SCT: variants seen among roughly 807,000 people sequenced by gnomAD.
SCT encodes secretin.
SCT carries 17 observed loss-of-function variants against 10.9 expected under a neutral mutation model. That is an observed-to-expected ratio of 1.55 (90% CI 1.06 to 2.33). The LOEUF is 2.33. SCT is among the 30% of genes most tolerant of loss of function. The pLI is 0.00. For synonymous variants in SCT, 96 were observed against 73.9 expected (o/e 1.30, Z -1.54); for missense variants, 230 against 165.9 (o/e 1.39, Z -2.12).
chr11:626,603 C>T (rs1400783200), intron 3 of SCT, 73 bp from the exon 4 acceptor site: 3 of 1,471,262 alleles, frequency 2.0e-6, no homozygotes, highest in African/African-American at 1.4e-5. Context: ...ATTGGGCCTC[C>T]AGTGGCCACC....
chr11:626,825 C>T, intron 2 of SCT, 36 bp from the exon 3 acceptor site: 1 of 1,546,752 alleles, frequency 6.5e-7, no homozygotes, highest in Non-Finnish European at 8.7e-7. Context: ...AGTCCTGGAG[C>T]TGGGGGGTCG....
rs972518255 is a variant in SCT, at chr11:627,049, G to A, written c.71+24C>T. On this transcript the variant is annotated intron_variant, in intron 1 of 3. Coordinates refer to ENST00000176195, the MANE Select transcript of SCT (RefSeq NM_021920.4). ...TGGGGGCGGGTGGGGCCCGGGGGGC[G>A]GGCGGGCCTGGCGGGCGGCTCACCT... is the stretch of plus-strand genomic sequence containing the variant. The A allele has an allele frequency of 2.2e-4, 262 of 1,207,742 alleles. 1 individual carries two copies. The African/African-American group carries it at 3.8e-3, about 18-fold the overall frequency. 74.8% of individuals were successfully genotyped at this position (1,207,742 alleles called of 1,614,324 possible). A position where few individuals can be genotyped will look rare whatever the true frequency, so the allele number is the denominator to read the frequency against.
In SCT at chr11:626,322, C is replaced by T. The variant is rs531451124; in HGVS notation, c.*109G>A. On this transcript the variant is annotated 3_prime_UTR_variant, in exon 4 of 4. Transcript: ENST00000176195. ...CAACTCCCAGCGTCTGGGTCTGATTCCTCCTTTATTGGTGCCAAGTACCAC... is the reference window on the plus strand; with the variant it reads ...CAACTCCCAGCGTCTGGGTCTGATTTCTCCTTTATTGGTGCCAAGTACCAC... The T allele has an allele frequency of 3.9e-6, 3 of 771,074 alleles. No homozygotes were observed. The highest frequency in any genetic ancestry group is 2.4e-5 in the Admixed American group (1 of 41,010). The allele number at this position is 771,074 out of a possible 1,614,324, so 47.8% of individuals were successfully genotyped here.
At position 626,981 on chromosome 11, in the gene SCT, C is replaced by G; in HGVS notation, c.80G>C (p.Arg27Pro). Residue 27 changes from arginine (R) to proline (P), a missense_variant, in exon 2 of 4, where the codon CGA becomes CCA. Arg to Pro is a moderately radical substitution (Grantham distance 103). Coordinates refer to ENST00000176195, the MANE Select transcript of SCT (RefSeq NM_021920.4). Reference protein sequence around the residue: ...AARPAPPRARRHSDGTFTSEL... With the variant: ...AARPAPPRARPHSDGTFTSEL... ...GCTGGTGAACGTCCCGTCTGAGTGT[C>G]GCCGGGCCCTGCGGGCGGTCGGGGG... 1 of 1,493,094 alleles carries G rather than the reference C, an allele frequency of 6.7e-7. No individual in the cohort carries two copies. Among genetic ancestry groups the G allele is most frequent in the Non-Finnish European group, 8.9e-7 (1 of 1,120,484 alleles). 92.5% of individuals were successfully genotyped at this position (1,493,094 alleles called of 1,614,324 possible). A position where few individuals can be genotyped will look rare whatever the true frequency, so the allele number is the denominator to read the frequency against.
At position 627,134 on chromosome 11, in the gene SCT, G is replaced by A. The variant is rs1427178586; in HGVS notation, c.10C>T (p.Arg4Trp). 8.3e-6 allele frequency: 9 copies of A among 1,080,592 alleles called. No individual in the cohort carries two copies. Among genetic ancestry groups the A allele is most frequent in the African/African-American group, 3.4e-5 (2 of 59,516 alleles). 66.9% of individuals were successfully genotyped at this position (1,080,592 alleles called of 1,614,324 possible). Reference sequence around the variant, plus strand: ...AGCAGCAGCAGCAGCAGGAGGGGCCGGGGGGCCATGGCGGGGTCGGGGCGC... The same window carrying A: ...AGCAGCAGCAGCAGCAGGAGGGGCCAGGGGGCCATGGCGGGGTCGGGGCGC... Reference protein sequence around the residue: MAPRPLLLLLLLLG... With the variant: MAPWPLLLLLLLLG... Residue 4 changes from arginine to tryptophan, a missense_variant, in exon 1 of 4, where the codon CGG becomes TGG. Arg to Trp is a moderately radical substitution (Grantham distance 101). Transcript: ENST00000176195.
At position 627,049 on chromosome 11, in the gene SCT, GGGCGGGCCT is replaced by G; in HGVS notation, c.71+15_71+23del. On this transcript the variant is annotated intron_variant, in intron 1 of 3. Transcript: ENST00000176195. ...TGGGGGCGGGTGGGGCCCGGGGGGC[GGGCGGGCCT>G]GGCGGGCGGCTCACCTGGGGGGCGC... 1 of 1,207,748 alleles carries G rather than the reference GGGCGGGCCT, an allele frequency of 8.3e-7. No individual in the cohort carries two copies. Among genetic ancestry groups the G allele is most frequent in the Non-Finnish European group, 1.1e-6 (1 of 950,880 alleles). 74.8% of individuals were successfully genotyped at this position (1,207,748 alleles called of 1,614,324 possible).
chr11:626,313 G>A lies in SCT; in HGVS notation c.*118C>T, dbSNP rs892233297. On this transcript the variant is annotated 3_prime_UTR_variant, in exon 4 of 4. Coordinates refer to ENST00000176195, the MANE Select transcript of SCT (RefSeq NM_021920.4). ...GGACACAGACAACTCCCAGCGTCTGGGTCTGATTCCTCCTTTATTGGTGCC... is the reference window on the plus strand; with the variant it reads ...GGACACAGACAACTCCCAGCGTCTGAGTCTGATTCCTCCTTTATTGGTGCC... The A allele has an allele frequency of 1.4e-5, 10 of 725,798 alleles. No homozygotes were observed. The highest frequency in any genetic ancestry group is 2.3e-5 in the Non-Finnish European group (10 of 425,600). The allele number at this position is 725,798 out of a possible 1,614,324, so 45.0% of individuals were successfully genotyped here. A position where few individuals can be genotyped will look rare whatever the true frequency, so the allele number is the denominator to read the frequency against.
In SCT at chr11:626,457, C is replaced by A; in HGVS notation, c.340G>T (p.Ala114Ser). 1 of 1,555,262 alleles carries A rather than the reference C, an allele frequency of 6.4e-7. No individual in the cohort carries two copies. The highest frequency in any genetic ancestry group is 8.7e-7 in the Non-Finnish European group (1 of 1,149,040). The change falls in exon 4 of 4, where the codon GCA (alanine) becomes TCA (serine). Residue 114 changes from alanine to serine, a missense_variant. Transcript: ENST00000176195. ...PMVSEPAGAA[A>S]EGTLRPR ...CATCTGGGCCGCAAGGTTCCTTCTG[C>A]AGCAGCGCCAGCTGGTTCTGAAACC...
In SCT at chr11:626,460, C is replaced by T; in HGVS notation, c.337G>A (p.Ala113Thr). 1 of 1,555,840 alleles carries T rather than the reference C, an allele frequency of 6.4e-7. No homozygotes were observed. The highest frequency in any genetic ancestry group is 1.4e-5 in the African/African-American group (1 of 73,402). The change falls in exon 4 of 4, where the codon GCT becomes ACT. Residue 113 changes from alanine (A) to threonine (T), a missense_variant. Ala to Thr is a moderately conservative substitution (Grantham distance 58, BLOSUM62 0). Coordinates refer to ENST00000176195, the MANE Select transcript of SCT (RefSeq NM_021920.4). ...GPMVSEPAGAAAEGTLRPR is the reference protein window; with the variant it reads ...GPMVSEPAGATAEGTLRPR ...CTGGGCCGCAAGGTTCCTTCTGCAG[C>T]AGCGCCAGCTGGTTCTGAAACCATA...
In SCT at chr11:626,515, CCCGTCCAGGGGCAT is replaced by C; in HGVS notation, c.268_281del (p.Met90AspfsTer?). On this transcript the variant is annotated frameshift_variant and splice_region_variant, in exon 4 of 4. Coordinates refer to ENST00000176195, the MANE Select transcript of SCT (RefSeq NM_021920.4). LOFTEE classifies it low-confidence loss of function (END_TRUNC). ...CAGGGGGCAGCCAGGGAGACCAGGT[CCCGTCCAGGGGCAT>C]CCTGCAGAGACAGCACGTGAGGGTC... The C allele has an allele frequency of 6.4e-7, 1 of 1,560,066 alleles. No individual in the cohort carries two copies.
chr11:626,592 A>G, intron 3 of SCT, 62 bp from the exon 4 acceptor site: 1 of 1,490,102 alleles, frequency 6.7e-7, no homozygotes, highest in Non-Finnish European at 9.1e-7. Flanking sequence ...CCGCTGCTGG[A>G]ATTGGGCCTC....
Position 627,088 on chromosome 11 carries a change from C to T in SCT, c.56G>A (p.Arg19His), listed in dbSNP as rs1857794155. The T allele has an allele frequency of 8.9e-6, 10 of 1,121,554 alleles. No homozygotes were observed. The highest frequency in any genetic ancestry group is 1.7e-5 in the African/African-American group (1 of 60,268). The allele number at this position is 1,121,554 out of a possible 1,614,324, so 69.5% of individuals were successfully genotyped here. ...GGCGGCTCACCTGGGGGGCGCGGGG[C>T]GCGCGGCGGAGCCCCCGAGGAGCAG... ...LLLLLGGSAA[R>H]PAPPRARRHS... Residue 19 changes from arginine to histidine, a missense_variant, in exon 1 of 4, where the codon CGC (arginine) becomes CAC (histidine). By Grantham distance (29) the Arg-to-His change is conservative. Transcript: ENST00000176195.
rs1165261253 is a variant in SCT at position 627,082 on chromosome 11, G to C, written c.62C>G (p.Ala21Gly). The C allele has an allele frequency of 1.8e-6, 2 of 1,130,042 alleles. No individual in the cohort carries two copies. Among genetic ancestry groups the C allele is most frequent in the South Asian group, 8.6e-5 (2 of 23,234 alleles). The allele number at this position is 1,130,042 out of a possible 1,614,324, so 70.0% of individuals were successfully genotyped here. A position where few individuals can be genotyped will look rare whatever the true frequency, so the allele number is the denominator to read the frequency against. ...CTGGCGGGCGGCTCACCTGGGGGGC[G>C]CGGGGCGCGCGGCGGAGCCCCCGAG... Reference protein sequence around the residue: ...LLLGGSAARPAPPRARRHSDG... With the variant: ...LLLGGSAARPGPPRARRHSDG... The change falls in exon 1 of 4, where the codon GCG becomes GGG. Residue 21 changes from alanine (A) to glycine (G), a missense_variant. Physicochemically the swap from Ala to Gly is moderately conservative, Grantham distance 60 (BLOSUM62 0). Coordinates refer to ENST00000176195, the MANE Select transcript of SCT (RefSeq NM_021920.4).
chr11:626,671 G>A, intron 3 of SCT, 26 bp downstream of exon 3: 3 of 1,527,366 alleles, frequency 2.0e-6, no homozygotes, highest in Non-Finnish European at 2.7e-6. Flanking sequence ...GTCTGGAGTG[G>A]GGTCTGCGGT....
In SCT at chr11:626,896, C is replaced by T. The variant is rs901895380; in HGVS notation, c.165G>A (p.Gly55=). 8.4e-6 allele frequency: 13 copies of T among 1,542,250 alleles called. No individual in the cohort carries two copies. In the African/African-American group the frequency reaches 1.4e-4, roughly 16 times the overall value. The change falls in exon 2 of 4, where the codon GGG becomes GGA. Residue 55 remains glycine (G), a synonymous_variant. Transcript: ENST00000176195. ...ACCCCACCCGGCCTCACCTGCGCTT[C>T]CCCACCAGGCCCTGTAGCAGCCGCT... ...RLQRLLQGLV[G]KRSEQDAENS... is the part of the protein sequence containing the mutation.
Position 626,350 on chromosome 11 carries a change from C to G in SCT, c.*81G>C. On this transcript the variant is annotated 3_prime_UTR_variant, in exon 4 of 4. Transcript: ENST00000176195. ...CCTTTATTGGTGCCAAGTACCACCC[C>G]TCCCCCTCTCCCCCATCCTGCCCCC... 12 of 1,038,778 alleles carry G rather than the reference C, an allele frequency of 1.2e-5. 1 individual carries two copies. The South Asian group carries it at 1.6e-4, about 14-fold the overall frequency. The allele number at this position is 1,038,778 out of a possible 1,614,324, so 64.3% of individuals were successfully genotyped here. A position where few individuals can be genotyped will look rare whatever the true frequency, so the allele number is the denominator to read the frequency against.
chr11:626,994 G>T lies in SCT; in HGVS notation c.72-5C>A. The T allele has an allele frequency of 6.6e-7, 1 of 1,521,352 alleles. No homozygotes were observed. Among genetic ancestry groups the T allele is most frequent in the Non-Finnish European group, 8.8e-7 (1 of 1,140,266 alleles). The allele number at this position is 1,521,352 out of a possible 1,614,324, so 94.2% of individuals were successfully genotyped here. A position where few individuals can be genotyped will look rare whatever the true frequency, so the allele number is the denominator to read the frequency against. On this transcript the variant is annotated splice_polypyrimidine_tract_variant and splice_region_variant and intron_variant, in intron 1 of 3. Transcript: ENST00000176195. The stretch of plus-strand genomic sequence containing the variant: ...CCGTCTGAGTGTCGCCGGGCCCTGC[G>T]GGCGGTCGGGGGTCGGGGTCAGGGC...
Position 626,780 on chromosome 11 carries a change from G to A in SCT, c.183C>T (p.Asp61=), listed in dbSNP as rs1226395166. The A allele has an allele frequency of 1.9e-6, 3 of 1,549,766 alleles. No homozygotes were observed. The highest frequency in any genetic ancestry group is 2.7e-5 in the African/African-American group (2 of 73,004). ...TGGTCCAGGCCATGCTGTTCTCTGCGTCCTGCTCGCTGCCCCCCGCCCCAA... is the reference window on the plus strand; with the variant it reads ...TGGTCCAGGCCATGCTGTTCTCTGCATCCTGCTCGCTGCCCCCCGCCCCAA... ...QGLVGKRSEQ[D]AENSMAWTRL... The change falls in exon 3 of 4, where the codon GAC becomes GAT. Residue 61 remains aspartate, a synonymous_variant. Transcript: ENST00000176195.
rs1187064367 is a variant in SCT, at chr11:626,965, C to T, written c.96G>A (p.Thr32=). 2 of 1,443,552 alleles carry T rather than the reference C, an allele frequency of 1.4e-6. No homozygotes were observed. The highest frequency in any genetic ancestry group is 1.2e-5 in the South Asian group (1 of 82,870). The allele number at this position is 1,443,552 out of a possible 1,614,324, so 89.4% of individuals were successfully genotyped here. ...GCAGGCGGCTGAGCTCGCTGGTGAA[C>T]GTCCCGTCTGAGTGTCGCCGGGCCC... ...PPRARRHSDG[T]FTSELSRLRE... The change falls in exon 2 of 4, where the codon ACG becomes ACA. Residue 32 remains threonine (T), a synonymous_variant. Coordinates refer to ENST00000176195, the MANE Select transcript of SCT (RefSeq NM_021920.4).
Sources: gnomAD v4.1 joint callset for allele counts on GRCh38, gnomAD v4.1.1 for gene constraint, MANE v1.5 for transcripts, NCBI Gene and HGNC (gene_info 2026-07-23, HGNC 2026-07-21) for gene names.